Variants in ZNF264 observed in about 807,000 individuals in gnomAD.
The protein encoded by ZNF264 is zinc finger protein 264.
Under a neutral mutation model 11.2 loss-of-function variants are expected in ZNF264, and 11 were observed. That is an observed-to-expected ratio of 0.98 (90% confidence interval 0.62 to 1.63). The LOEUF (loss-of-function observed/expected upper bound fraction) is 1.63, where lower values mean the gene tolerates loss of function less well. ZNF264 is among the 40% of genes most tolerant of loss of function. The pLI is 0.00. For synonymous variants in ZNF264, 309 were observed against 279.8 expected (o/e 1.10, Z -1.04); for missense variants, 752 against 768.1 (o/e 0.98, Z 0.25).
chr19:57,208,782 A>T (rs2087313190), intron 3 of ZNF264, among the ~76,000 whole-genome samples: 1 of 152,120 alleles, frequency 6.6e-6, no homozygotes, highest in Admixed American at 6.5e-5. Flanking sequence ...TAAAGAGCTT[A>T]TGCCAATTTG....
At chr19:57,192,323 C>T (rs560473970) in intron 1 of ZNF264, 2 of 984,802 alleles carry the variant, frequency 2.0e-6, no homozygotes, top group South Asian at 9.4e-5. Context: ...TAAGGAGGCT[C>T]AGGAGGGTGT....
chr19:57,192,063 G>A, intron 1 of ZNF264, 117 bp downstream of exon 1: 1 of 1,037,184 alleles, frequency 9.6e-7, no homozygotes, highest in Middle Eastern at 2.2e-4. Flanking sequence ...GTTCGCTTTG[G>A]TGTGTGGAGC....
intron 2 of ZNF264, among the ~76,000 whole-genome samples, chr19:57,201,981 G>C (rs775278884): frequency 6.6e-6 from 1 of 151,780 alleles, no homozygotes; most frequent in Non-Finnish European, 1.5e-5. Flanking sequence ...GGAGGCAAGA[G>C]GGTTGCTTGA....
Position 57,219,057 on chromosome 19 carries a change from A to G in ZNF264, c.*6076A>G, listed in dbSNP as rs2087399479. The G allele has an allele frequency of 6.6e-6, 1 of 151,926 alleles. No individual in the cohort carries two copies. The highest frequency in any genetic ancestry group is 2.1e-4 in the South Asian group (1 of 4,818). The allele number at this position is 151,926 out of a possible 1,614,324, so 9.4% of individuals were successfully genotyped here. A position where few individuals can be genotyped will look rare whatever the true frequency, so the allele number is the denominator to read the frequency against. On this transcript the variant is annotated 3_prime_UTR_variant, in exon 4 of 4. Transcript: ENST00000263095. ...AGTGATCTGCAGATTTTTCAGAGTCATGTTCTCCATGGAATGTTTGTAAAA... is the reference window on the plus strand; with the variant it reads ...AGTGATCTGCAGATTTTTCAGAGTCGTGTTCTCCATGGAATGTTTGTAAAA...
chr19:57,219,792 G>A lies in ZNF264; in HGVS notation c.*6811G>A, dbSNP rs2087404164. ...GATCTACAGAATTTCCCAAATCTAT[G>A]TCTCCAGACTGGATGTTTCTCACGT... On this transcript the variant is annotated 3_prime_UTR_variant, in exon 4 of 4. Coordinates refer to ENST00000263095, the MANE Select transcript of ZNF264 (RefSeq NM_003417.5). 6.6e-6 allele frequency: 1 copy of A among 152,216 alleles called. No individual in the cohort carries two copies. Among genetic ancestry groups the A allele is most frequent in the Non-Finnish European group, 1.5e-5 (1 of 68,038 alleles). The allele number at this position is 152,216 out of a possible 1,614,324, so 9.4% of individuals were successfully genotyped here. A position where few individuals can be genotyped will look rare whatever the true frequency, so the allele number is the denominator to read the frequency against.
In ZNF264 at chr19:57,205,389, A is replaced by G. The variant is rs2087284310; in HGVS notation, c.161-8A>G. 2 of 1,604,852 alleles carry G rather than the reference A, an allele frequency of 1.2e-6. No homozygotes were observed. ...ATCCATGTGTCCACTTGCTTTCTCC[A>G]TAAACAGGGTGTCCTGTTCCCAAAG... On this transcript the variant is annotated splice_region_variant and splice_polypyrimidine_tract_variant and intron_variant, in intron 2 of 3. Coordinates refer to ENST00000263095, the MANE Select transcript of ZNF264 (RefSeq NM_003417.5).
In ZNF264 at chr19:57,212,617, G is replaced by A; in HGVS notation, c.1520G>A (p.Gly507Glu). 6.2e-7 allele frequency: 1 copy of A among 1,614,188 alleles called. No homozygotes were observed. Reference sequence around the variant, plus strand: ...ACGAGGCACAAGCGGATTCATAGTGGAGAGAAGCCCTATGAATGTGTTGAG... The same window carrying A: ...ACGAGGCACAAGCGGATTCATAGTGAAGAGAAGCCCTATGAATGTGTTGAG... ...GLTRHKRIHS[G>E]EKPYECVECG... Residue 507 changes from glycine to glutamate, a missense_variant, in exon 4 of 4, where the codon GGA (glycine) becomes GAA (glutamate). Physicochemically the swap from Gly to Glu is moderately conservative, Grantham distance 98. Transcript: ENST00000263095.
At chr19:57,193,041 T>G (rs903191627) in intron 1 of ZNF264, among the ~76,000 whole-genome samples, 1 of 152,016 alleles carries the variant, frequency 6.6e-6, no homozygotes, top group African/African-American at 2.4e-5. Flanking sequence ...CACAGATACG[T>G]TTTTCAGGGC....
chr19:57,211,816 T>A lies in ZNF264; in HGVS notation c.719T>A (p.Phe240Tyr), dbSNP rs2087338634. 1.2e-6 allele frequency: 2 copies of A among 1,614,166 alleles called. No homozygotes were observed. The highest frequency in any genetic ancestry group is 1.7e-6 in the Non-Finnish European group (2 of 1,180,036). Reference protein sequence around the residue: ...PYECTECGKTFIKSTHLLQHH... With the variant: ...PYECTECGKTYIKSTHLLQHH... The stretch of plus-strand genomic sequence containing the variant: ...GAATGCACAGAATGTGGGAAAACCT[T>A]TATTAAGAGCACACATCTCCTGCAA... The change falls in exon 4 of 4, where the codon TTT (phenylalanine) becomes TAT (tyrosine). Residue 240 changes from phenylalanine to tyrosine, a missense_variant. Transcript: ENST00000263095.
At chr19:57,200,433 CCT>C (rs1230089007) in intron 2 of ZNF264, among the ~76,000 whole-genome samples, 1 of 149,334 alleles carries the variant, frequency 6.7e-6, no homozygotes, top group African/African-American at 2.5e-5. Context: ...ATAGTGAGAC[CCT>C]GTCTCTAAAA....
rs2087428028 is a variant in ZNF264, at chr19:57,222,806, T to G, written c.*9825T>G. 2 of 152,528 alleles carry G rather than the reference T, an allele frequency of 1.3e-5. No homozygotes were observed. The highest frequency in any genetic ancestry group is 2.9e-5 in the Non-Finnish European group (2 of 68,038). The allele number at this position is 152,528 out of a possible 1,614,324, so 9.4% of individuals were successfully genotyped here. On this transcript the variant is annotated 3_prime_UTR_variant, in exon 4 of 4. Transcript: ENST00000263095. ...TATGGGTTTATAATTTCTGCATTATTAAATGCAGATAACTTGTGATTAAAG... is the reference window on the plus strand; with the variant it reads ...TATGGGTTTATAATTTCTGCATTATGAAATGCAGATAACTTGTGATTAAAG...
At chr19:57,202,213 A>T (rs73062831) in intron 2 of ZNF264, among the ~76,000 whole-genome samples, 153 of 151,958 alleles carry the variant, frequency 1.0e-3, no homozygotes, top group Non-Finnish European at 1.7e-3. Flanking sequence ...CTGTCTCAAA[A>T]AAAAGCAAAT....
In ZNF264 at chr19:57,212,057, TGGCCAAGTCTTTCGACATA is replaced by T. The variant is rs780353007; in HGVS notation, c.966_984del (p.Val323AlafsTer58). The T allele has an allele frequency of 6.2e-7, 1 of 1,614,118 alleles. No individual in the cohort carries two copies. Among genetic ancestry groups the T allele is most frequent in the Non-Finnish European group, 8.5e-7 (1 of 1,180,004 alleles). ...AAAAATCCTTTGTGTGCACAGAATG[TGGCCAAGTCTTTCGACATA>T]GGCCAGGCTTTCTCCGGCACTATGT... On this transcript the variant is annotated frameshift_variant, in exon 4 of 4. Transcript: ENST00000263095. LOFTEE classifies it low-confidence loss of function (END_TRUNC).
intron 2 of ZNF264, among the ~76,000 whole-genome samples, chr19:57,198,815 A>G (rs2087230977): frequency 1.3e-5 from 2 of 151,876 alleles, no homozygotes; most frequent in South Asian, 4.1e-4. Flanking sequence ...AGGATGAGAG[A>G]AAGATTAACA....
chr19:57,212,167 A>G lies in ZNF264; in HGVS notation c.1070A>G (p.Tyr357Cys), dbSNP rs1490971033. ...ECGKVFKHRS[Y>C]LMWHQQTHTG... The stretch of plus-strand genomic sequence containing the variant: ...GGCAAGGTCTTCAAACACAGGTCAT[A>G]TCTCATGTGGCACCAGCAGACTCAT... Residue 357 changes from tyrosine to cysteine, a missense_variant, in exon 4 of 4, where the codon TAT becomes TGT. Tyr to Cys is a radical substitution (Grantham distance 194). Coordinates refer to ENST00000263095, the MANE Select transcript of ZNF264 (RefSeq NM_003417.5). 12 of 1,614,124 alleles carry G rather than the reference A, an allele frequency of 7.4e-6. No individual in the cohort carries two copies. The highest frequency in any genetic ancestry group is 9.3e-6 in the Non-Finnish European group (11 of 1,180,018).
rs2087396713 is a variant in ZNF264, at chr19:57,218,637, C to T, written c.*5656C>T. 6.6e-6 allele frequency: 1 copy of T among 152,156 alleles called. No individual in the cohort carries two copies. Among genetic ancestry groups the T allele is most frequent in the Non-Finnish European group, 1.5e-5 (1 of 68,036 alleles). The allele number at this position is 152,156 out of a possible 1,614,324, so 9.4% of individuals were successfully genotyped here. ...ATCTTGTTTTACACTCCCATGGGTCCTTCAGGCTCTCATCTTTTTTCTTTT... is the reference window on the plus strand; with the variant it reads ...ATCTTGTTTTACACTCCCATGGGTCTTTCAGGCTCTCATCTTTTTTCTTTT... On this transcript the variant is annotated 3_prime_UTR_variant, in exon 4 of 4. Transcript: ENST00000263095.
intron 2 of ZNF264, among the ~76,000 whole-genome samples, chr19:57,200,491 C>T (rs2087243394): frequency 6.6e-6 from 1 of 151,076 alleles, no homozygotes; most frequent in Non-Finnish European, 1.5e-5. Context: ...TTTTACTCCC[C>T]CACCCCACCC....
intron 3 of ZNF264, 126 bp downstream of exon 3, chr19:57,205,618 C>G (rs1363962841): frequency 1.2e-6 from 1 of 818,094 alleles, no homozygotes; most frequent in East Asian, 2.7e-5. Flanking sequence ...TTATATAACT[C>G]TATCACACTA....
At chr19:57,205,153 TAATATTTA>T (rs908830988) in intron 2 of ZNF264, among the ~76,000 whole-genome samples, 3 of 140,982 alleles carry the variant, frequency 2.1e-5, no homozygotes, top group African/African-American at 7.6e-5. Context: ...AGTCAATATT[TAATATTTA>T]AATACATCAG....
Sources: allele counts gnomAD v4.1 joint callset (sites outside exome capture counted in the v4.1 genomes callset), GRCh38; gene constraint gnomAD v4.1.1; transcripts MANE v1.5; gene names NCBI Gene and HGNC (gene_info 2026-07-23, HGNC 2026-07-21).